POPDC1: variants seen among roughly 807,000 people sequenced by gnomAD.
POPDC1 encodes popeye domain-containing protein 1.
chr6:105,119,795 C>T, the POPDC1 span, among the ~76,000 whole-genome samples: 4 of 152,348 alleles, frequency 2.6e-5, no homozygotes, highest in African/African-American at 9.6e-5. Context: ...CAAGTTTCCA[C>T]TGAGGCAATG....
chr6:105,122,125 A>G, the POPDC1 span, among the ~76,000 whole-genome samples: 1 of 152,220 alleles, frequency 6.6e-6, no homozygotes, highest in African/African-American at 2.4e-5. Context: ...ACTCTTGAGG[A>G]TCTGCCAACA....
At chr6:105,101,005 C>T in the POPDC1 span, 10 of 1,493,736 alleles carry the variant, frequency 6.7e-6, no homozygotes, top group Middle Eastern at 1.8e-3. Flanking sequence ...AGCAGAATAA[C>T]CTAAAAGCCA....
the POPDC1 span, among the ~76,000 whole-genome samples, chr6:105,117,449 T>C: frequency 6.6e-6 from 1 of 152,164 alleles, no homozygotes; most frequent in Non-Finnish European, 1.5e-5. Context: ...GGTAGCCCAT[T>C]AGAGATATTC....
chr6:105,112,331 G>A, the POPDC1 span, among the ~76,000 whole-genome samples: 2 of 152,158 alleles, frequency 1.3e-5, no homozygotes, highest in African/African-American at 2.4e-5. Context: ...TGTTCAGATC[G>A]TGATTCGAAA....
chr6:105,118,472 A>G, the POPDC1 span, among the ~76,000 whole-genome samples: 2 of 152,244 alleles, frequency 1.3e-5, no homozygotes, highest in Non-Finnish European at 2.9e-5. Context: ...AATTTCATTC[A>G]TTCTTTCGAT....
chr6:105,109,080 A>G, the POPDC1 span, among the ~76,000 whole-genome samples: 24 of 152,158 alleles, frequency 1.6e-4, no homozygotes, highest in African/African-American at 5.5e-4. Context: ...CAGCCTCTTG[A>G]GTAACTGGGA....
the POPDC1 span, among the ~76,000 whole-genome samples, chr6:105,130,637 T>C: frequency 6.6e-6 from 1 of 152,194 alleles, no homozygotes; most frequent in East Asian, 1.9e-4. Flanking sequence ...CATCAGAGAC[T>C]ATACGTACAT....
At chr6:105,121,705 T>C in the POPDC1 span, among the ~76,000 whole-genome samples, 6 of 152,232 alleles carry the variant, frequency 3.9e-5, no homozygotes, top group African/African-American at 1.4e-4. Context: ...TTCTCAGCTC[T>C]ATCACTATGC....
chr6:105,132,462 G>T, the POPDC1 span, among the ~76,000 whole-genome samples: 2 of 151,976 alleles, frequency 1.3e-5, no homozygotes, highest in African/African-American at 2.4e-5. Context: ...CACCTTCTCC[G>T]TGTCCCCCTG....
At chr6:105,129,552 T>A in the POPDC1 span, 2 of 1,556,722 alleles carry the variant, frequency 1.3e-6, no homozygotes, top group Non-Finnish European at 1.7e-6. Flanking sequence ...AGAGCCTAAG[T>A]GGGGAGCTTA....
the POPDC1 span, among the ~76,000 whole-genome samples, chr6:105,129,172 A>G: frequency 6.6e-6 from 1 of 152,302 alleles, no homozygotes; most frequent in South Asian, 2.1e-4. Flanking sequence ...AATGATTTTT[A>G]AAGTTTTAAA....
the POPDC1 span, among the ~76,000 whole-genome samples, chr6:105,113,955 CAAAAAAA>C: frequency 1.3e-5 from 2 of 148,452 alleles, no homozygotes; most frequent in African/African-American, 5.0e-5. Flanking sequence ...CACACACACA[CAAAAAAA>C]ACAAAAACAA....
At chr6:105,121,044 A>C in the POPDC1 span, among the ~76,000 whole-genome samples, 1 of 152,068 alleles carries the variant, frequency 6.6e-6, no homozygotes, top group African/African-American at 2.4e-5. Flanking sequence ...CTTAGTGTTC[A>C]TTTCTTTTAC....
the POPDC1 span, among the ~76,000 whole-genome samples, chr6:105,133,824 A>G: frequency 6.6e-6 from 1 of 152,188 alleles, no homozygotes; most frequent in Non-Finnish European, 1.5e-5. Context: ...GAAATGAAAT[A>G]CATAAAATAC....
the POPDC1 span, chr6:105,097,323 C>T: frequency 6.6e-6 from 1 of 152,190 alleles, no homozygotes; most frequent in Non-Finnish European, 1.5e-5. Flanking sequence ...GAGAGGAAAC[C>T]AAGGCATGCC....
At chr6:105,107,443 T>A in the POPDC1 span, among the ~76,000 whole-genome samples, 1 of 152,228 alleles carries the variant, frequency 6.6e-6, no homozygotes, top group Admixed American at 6.5e-5. Context: ...CATATTTGTT[T>A]TTCTTAAATC....
At chr6:105,116,977 G>C in the POPDC1 span, 2 of 1,021,700 alleles carry the variant, frequency 2.0e-6, no homozygotes, top group Non-Finnish European at 2.8e-6. Context: ...TCATAGCAAT[G>C]ATTTGTCAAA....
the POPDC1 span, chr6:105,125,350 T>C: frequency 6.2e-7 from 1 of 1,601,984 alleles, no homozygotes; most frequent in Non-Finnish European, 8.5e-7. Flanking sequence ...ATGAAAAGAT[T>C]AAAGGTAAAC....
the POPDC1 span, chr6:105,124,593 G>C: frequency 1.2e-6 from 2 of 1,612,872 alleles, no homozygotes; most frequent in East Asian, 4.5e-5. Flanking sequence ...AAATTCAGGA[G>C]AATCTATAAA....
Sources: allele counts gnomAD v4.1 joint callset (sites outside exome capture counted in the v4.1 genomes callset), GRCh38; gene constraint gnomAD v4.1.1; transcripts MANE v1.5; gene names NCBI Gene and HGNC (gene_info 2026-07-23, HGNC 2026-07-21).